Variants in ZNF18 observed in about 807,000 individuals in gnomAD.
ZNF18 encodes the protein zinc finger protein 18.
A neutral mutation model predicts 58.1 loss-of-function variants in ZNF18; 42 were observed. That is an observed-to-expected ratio of 0.72 (90% confidence interval 0.56 to 0.93). ZNF18 has a LOEUF of 0.93. Ranked by LOEUF, ZNF18 falls within the 40% of genes least tolerant of loss-of-function variation. The pLI is 0.00. For missense variants in ZNF18, 540 were observed against 644.2 expected (o/e 0.84, Z 1.75); for synonymous variants, 231 against 239.8 (o/e 0.96, Z 0.34).
intron 1 of ZNF18, 24 bp downstream of exon 1, chr17:11,997,407 G>C (rs548317235): frequency 3.3e-5 from 5 of 152,198 alleles, no homozygotes; most frequent in South Asian, 2.1e-4. Context: ...CCGGAGGCCG[G>C]GACCGCCCCG....
upstream of ZNF18, chr17:12,002,105 G>A (rs574968286): frequency 1.1e-4 from 17 of 152,108 alleles, 1 homozygote; most frequent in Admixed American, 3.3e-4. Flanking sequence ...CAAACTAAAA[G>A]ATATTAACTT....
chr17:11,991,023 C>G lies in ZNF18; in HGVS notation c.528G>C (p.Glu176Asp), dbSNP rs773336393. ...GLENSSSGPGELLSHIVKEES... is the reference protein window; with the variant it reads ...GLENSSSGPGDLLSHIVKEES... ...CCTCTTTCACGATGTGGCTCAGAAG[C>G]TCCCCAGGCCCTGAGGATGAATTCT... The change falls in exon 3 of 7, where the codon GAG (glutamate) becomes GAC (aspartate). Residue 176 changes from glutamate (E) to aspartate (D), a missense_variant. Glu to Asp is a conservative substitution (Grantham distance 45, BLOSUM62 2). Transcript: ENST00000580306. 1.2e-5 allele frequency: 19 copies of G among 1,614,174 alleles called. No homozygotes were observed. Among genetic ancestry groups the G allele is most frequent in the Non-Finnish European group, 1.6e-5 (19 of 1,180,028 alleles).
At chr17:11,994,883 T>A (rs1361553455) in intron 1 of ZNF18, among the ~76,000 whole-genome samples, 2 of 152,012 alleles carry the variant, frequency 1.3e-5, no homozygotes, top group African/African-American at 4.8e-5. Flanking sequence ...AGAAACTACA[T>A]TTACTATTCA....
At chr17:12,004,105 C>T in the ZNF18 span, among the ~76,000 whole-genome samples, 1 of 152,150 alleles carries the variant, frequency 6.6e-6, no homozygotes, top group African/African-American at 2.4e-5. Context: ...GTGGCACACG[C>T]CTGTAATCCC....
intron 5 of ZNF18, among the ~76,000 whole-genome samples, chr17:11,983,888 A>G (rs1967545408): frequency 6.6e-6 from 1 of 152,186 alleles, no homozygotes; most frequent in South Asian, 2.1e-4. Flanking sequence ...ACTCCGTGCA[A>G]TGTACCCACA....
chr17:12,012,453 A>G, the ZNF18 span, among the ~76,000 whole-genome samples: 1 of 152,244 alleles, frequency 6.6e-6, no homozygotes, highest in East Asian at 1.9e-4. Flanking sequence ...CAAACGTGAG[A>G]ATATCTGTAA....
the ZNF18 span, among the ~76,000 whole-genome samples, chr17:12,008,248 G>C: frequency 5.3e-5 from 8 of 152,152 alleles, no homozygotes; most frequent in Non-Finnish European, 1.0e-4. Flanking sequence ...TTGGAAACTG[G>C]CAGCATGTAT....
chr17:12,017,831 C>T, the ZNF18 span, among the ~76,000 whole-genome samples: 2 of 151,428 alleles, frequency 1.3e-5, no homozygotes, highest in Middle Eastern at 3.4e-3. Context: ...GAGCCGAGAT[C>T]GCGCCATTGC....
At chr17:12,002,552 T>C in the ZNF18 span, among the ~76,000 whole-genome samples, 3 of 152,176 alleles carry the variant, frequency 2.0e-5, no homozygotes, top group East Asian at 1.9e-4. Flanking sequence ...AGAGCGTAAC[T>C]GAAAGCTGCA....
chr17:12,003,433 CTGTCTCA>C, the ZNF18 span, among the ~76,000 whole-genome samples: 85 of 142,662 alleles, frequency 6.0e-4, no homozygotes, highest in Non-Finnish European at 1.0e-3. Flanking sequence ...GTGTGAGACT[CTGTCTCA>C]AAAAAAAAAA....
the ZNF18 span, chr17:12,021,511 C>G: frequency 2.0e-5 from 3 of 151,590 alleles, no homozygotes; most frequent in Non-Finnish European, 2.9e-5. Context: ...TGGCTGTCGC[C>G]GGGCACAGCT....
At position 11,978,438 on chromosome 17, in the gene ZNF18, T is replaced by C. The variant is rs763210939; in HGVS notation, c.1169A>G (p.Lys390Arg). 1.4e-5 allele frequency: 22 copies of C among 1,559,134 alleles called. No homozygotes were observed. In the East Asian group the frequency reaches 4.3e-4, roughly 30 times the overall value. The part of the protein sequence containing the change: ...GEMSTMWLEE[K>R]RETSQKGQPR... The stretch of plus-strand genomic sequence containing the variant: ...CTGCCCCTTCTGGGAGGTCTCTCTC[T>C]TCTCCTCAAGCCACATGGTGGACAT... The change falls in exon 7 of 7, where the codon AAG becomes AGG. Residue 390 changes from lysine (K) to arginine (R), a missense_variant. Coordinates refer to ENST00000580306, the MANE Select transcript of ZNF18 (RefSeq NM_001303281.2).
chr17:11,994,179 A>G (rs1968318967), intron 1 of ZNF18, among the ~76,000 whole-genome samples: 1 of 152,208 alleles, frequency 6.6e-6, no homozygotes, highest in Admixed American at 6.5e-5. Context: ...AGAGATCAGT[A>G]CAATACTCTA....
chr17:12,001,639 A>G (rs998653395), upstream of ZNF18, among the ~76,000 whole-genome samples: 1 of 152,060 alleles, frequency 6.6e-6, no homozygotes, highest in Non-Finnish European at 1.5e-5. Flanking sequence ...AAAACAAACA[A>G]ACAAACAAAC....
At chr17:11,988,957 G>A (rs1171010621) in intron 4 of ZNF18, among the ~76,000 whole-genome samples, 3 of 151,998 alleles carry the variant, frequency 2.0e-5, no homozygotes, top group Non-Finnish European at 2.9e-5. Flanking sequence ...TCAGGAGTTC[G>A]AGACCAGCCT....
chr17:11,977,970 T>C lies in ZNF18; in HGVS notation c.1637A>G (p.Lys546Arg). The C allele has an allele frequency of 6.4e-7, 1 of 1,568,560 alleles. No homozygotes were observed. Among genetic ancestry groups the C allele is most frequent in the South Asian group, 1.2e-5 (1 of 83,110 alleles). ...DKHQRSHLGK[K>R]PFQ The stretch of plus-strand genomic sequence containing the variant: ...TTTGGTTACTGGCTATTGAAAGGGC[T>C]TCTTTCCTAAGTGGGATCTTTGATG... Residue 546 changes from lysine to arginine, a missense_variant, in exon 7 of 7, where the codon AAG becomes AGG. Coordinates refer to ENST00000580306, the MANE Select transcript of ZNF18 (RefSeq NM_001303281.2).
At chr17:12,017,817 C>A in the ZNF18 span, among the ~76,000 whole-genome samples, 1 of 150,754 alleles carries the variant, frequency 6.6e-6, no homozygotes, top group African/African-American at 2.4e-5. Context: ...GCGGAGGTTG[C>A]AGTGAGCCGA....
rs750799096 is a variant in ZNF18 at position 11,992,783 on chromosome 17, G to A, written c.47C>T (p.Ala16Val). 72 of 1,613,880 alleles carry A rather than the reference G, an allele frequency of 4.5e-5. No individual in the cohort carries two copies. The highest frequency in any genetic ancestry group is 3.8e-4 in the South Asian group (35 of 91,082). Residue 16 changes from alanine to valine, a missense_variant, in exon 2 of 7, where the codon GCG becomes GTG. Ala to Val is a moderately conservative substitution (Grantham distance 64, BLOSUM62 0). Transcript: ENST00000580306. ...TGAGAACTGGGAGTCCTCGGCCTTC[G>A]CCAGCGATGGCAGCAGGCCTAGGGC... ...GQALGLLPSL[A>V]KAEDSQFSES...
the ZNF18 span, chr17:12,010,847 C>T: frequency 3.1e-3 from 1,485 of 475,764 alleles, 23 homozygotes; most frequent in African/African-American, 0.027. Context: ...TTCAGTTGAA[C>T]CCCAGGTACT....
Sources: gnomAD v4.1 joint callset for allele counts (sites outside exome capture counted in the v4.1 genomes callset) on GRCh38, gnomAD v4.1.1 for gene constraint, MANE v1.5 for transcripts, NCBI Gene and HGNC (gene_info 2026-07-23, HGNC 2026-07-21) for gene names.